Variants in SENP8 observed in about 807,000 individuals in gnomAD.
The protein encoded by SENP8 is sentrin-specific protease 8.
Under a neutral mutation model 14.4 loss-of-function variants are expected in SENP8, and 10 were observed. The ratio of observed to expected loss-of-function variants is 0.69; its 90% confidence interval spans 0.43 to 1.18. The LOEUF (loss-of-function observed/expected upper bound fraction) is 1.18, where lower values mean the gene tolerates loss of function less well. Among genes scored for constraint, SENP8 ranks in the 50% most tolerant of loss-of-function variants. The pLI is 0.00. For synonymous variants in SENP8, 94 were observed against 95.5 expected, an observed-to-expected ratio of 0.98 and a Z score of 0.09; for missense variants, 202 against 249.4, an observed-to-expected ratio of 0.81 and a Z score of 1.28.
At chr15:72,119,463 A>G (rs999177799) in intron 1 of SENP8, among the ~76,000 whole-genome samples, 1 of 152,098 alleles carries the variant, frequency 6.6e-6, no homozygotes, top group African/African-American at 2.4e-5. Context: ...GATGGAGGTC[A>G]TTTAGCCGGG....
intron 1 of SENP8, among the ~76,000 whole-genome samples, chr15:72,132,263 C>T (rs1458349706): frequency 6.6e-6 from 1 of 152,130 alleles, no homozygotes; most frequent in Non-Finnish European, 1.5e-5. Context: ...GCTTACCATC[C>T]ACCAAGACCA....
rs940743531 is a variant in SENP8, at chr15:72,143,184, C to T, written c.*2922C>T. ...CTGCACTCCAGCCTAGGCAACAGAGCGAGACTCTTATCTCAAAAAAAAAAA... is the reference window on the plus strand; with the variant it reads ...CTGCACTCCAGCCTAGGCAACAGAGTGAGACTCTTATCTCAAAAAAAAAAA... On this transcript the variant is annotated 3_prime_UTR_variant, in exon 2 of 2. Coordinates refer to ENST00000340912, the MANE Select transcript of SENP8 (RefSeq NM_145204.4). The T allele has an allele frequency of 4.7e-5, 7 of 148,384 alleles. No homozygotes were observed. Among genetic ancestry groups the T allele is most frequent in the African/African-American group, 1.8e-4 (7 of 39,960 alleles). The allele number at this position is 148,384 out of a possible 1,614,324, so 9.2% of individuals were successfully genotyped here.
In SENP8 at chr15:72,139,619, A is replaced by G. The variant is rs752455666; in HGVS notation, c.-5A>G. 21 of 1,612,128 alleles carry G rather than the reference A, an allele frequency of 1.3e-5. No individual in the cohort carries two copies. The African/African-American group carries it at 2.5e-4, about 19-fold the overall frequency. ...GAATTTCTGAGCAGCCCTCGTCAGT[A>G]CAAGATGGACCCCGTAGTCTTGAGT... On this transcript the variant is annotated 5_prime_UTR_variant, in exon 2 of 2. Transcript: ENST00000340912.
chr15:72,134,337 A>G (rs2081306419), intron 1 of SENP8, among the ~76,000 whole-genome samples: 1 of 152,142 alleles, frequency 6.6e-6, no homozygotes, highest in African/African-American at 2.4e-5. Context: ...CCTAGCATTT[A>G]GTGGGGCAGA....
Position 72,140,121 on chromosome 15 carries a change from C to G in SENP8, c.498C>G (p.Tyr166Ter). ...AAAACAGCTATGACTGTGGGATGTA[C>G]GTGATATGTAACACTGAGGCCTTGT... is the stretch of plus-strand genomic sequence containing the variant. ...AQQNSYDCGM[Y>*]VICNTEALCQ... is the part of the protein sequence containing the mutation. The change falls in exon 2 of 2, where the codon TAC becomes TAG. Residue 166 changes from tyrosine to a stop codon, truncating the protein, a stop_gained. Transcript: ENST00000340912. LOFTEE classifies it high-confidence loss of function. 6.2e-7 allele frequency: 1 copy of G among 1,614,098 alleles called. No homozygotes were observed. Among genetic ancestry groups the G allele is most frequent in the Non-Finnish European group, 8.5e-7 (1 of 1,180,026 alleles).
At position 72,142,819 on chromosome 15, in the gene SENP8, A is replaced by G. The variant is rs1352269233; in HGVS notation, c.*2557A>G. 6.6e-6 allele frequency: 1 copy of G among 152,212 alleles called. No homozygotes were observed. The highest frequency in any genetic ancestry group is 1.9e-4 in the East Asian group (1 of 5,198). The allele number at this position is 152,212 out of a possible 1,614,324, so 9.4% of individuals were successfully genotyped here. ...TTCTGATATGTACCTAATTATTTTG[A>G]CTATACTATAATTTTACAATATGCA... On this transcript the variant is annotated 3_prime_UTR_variant, in exon 2 of 2. Transcript: ENST00000340912.
chr15:72,134,940 G>A (rs1275696933), intron 1 of SENP8: 14 of 299,998 alleles, frequency 4.7e-5, no homozygotes, highest in Non-Finnish European at 8.5e-5. Flanking sequence ...TCTGAGAACA[G>A]AGATAGCTTC....
chr15:72,116,000 G>A (rs928282031), upstream of SENP8, among the ~76,000 whole-genome samples: 9 of 152,170 alleles, frequency 5.9e-5, no homozygotes, highest in Admixed American at 4.6e-4. Flanking sequence ...CCTCTAGGAT[G>A]TAGTATTAAG....
Position 72,139,898 on chromosome 15 carries a change from A to G in SENP8, c.275A>G (p.Asp92Gly), listed in dbSNP as rs1192444462. Residue 92 changes from aspartate to glycine, a missense_variant, in exon 2 of 2, where the codon GAT becomes GGT. Coordinates refer to ENST00000340912, the MANE Select transcript of SENP8 (RefSeq NM_145204.4). The stretch of plus-strand genomic sequence containing the variant: ...AGAGTTGTATTTTTAGCCATCAATG[A>G]TAACTCCAACCAGGCAGCTGGAGGA... The part of the protein sequence containing the change: ...NKRVVFLAIN[D>G]NSNQAAGGTH... 6.2e-7 allele frequency: 1 copy of G among 1,614,124 alleles called. No individual in the cohort carries two copies. The highest frequency in any genetic ancestry group is 8.5e-7 in the Non-Finnish European group (1 of 1,180,038).
rs140874758 is a variant in SENP8, at chr15:72,139,743, C to G, written c.120C>G (p.Ala40=). The change falls in exon 2 of 2, where the codon GCC becomes GCG. Residue 40 remains alanine (A), a synonymous_variant. Coordinates refer to ENST00000340912, the MANE Select transcript of SENP8 (RefSeq NM_145204.4). ...HIIGFAFEYF[A]NSQFHDCSDH... Reference sequence around the variant, plus strand: ...TTGGGTTTGCGTTTGAGTACTTTGCCAACAGTCAGTTTCATGACTGCTCTG... The same window carrying G: ...TTGGGTTTGCGTTTGAGTACTTTGCGAACAGTCAGTTTCATGACTGCTCTG... The G allele has an allele frequency of 1.1e-4, 174 of 1,614,052 alleles. No individual in the cohort carries two copies. Among genetic ancestry groups the G allele is most frequent in the Non-Finnish European group, 1.4e-4 (164 of 1,180,044 alleles).
chr15:72,140,350 A>T lies in SENP8; in HGVS notation c.*88A>T, dbSNP rs914268481. On this transcript the variant is annotated 3_prime_UTR_variant, in exon 2 of 2. Transcript: ENST00000340912. The stretch of plus-strand genomic sequence containing the variant: ...GGCTGCAATCTCAGTGCCTGAGGGA[A>T]GATGCCTAGTAGAGGAAAGCTTAAT... The T allele has an allele frequency of 3.3e-6, 3 of 909,286 alleles. No individual in the cohort carries two copies. The highest frequency in any genetic ancestry group is 5.3e-6 in the Non-Finnish European group (3 of 570,902). The allele number at this position is 909,286 out of a possible 1,614,324, so 56.3% of individuals were successfully genotyped here. A position where few individuals can be genotyped will look rare whatever the true frequency, so the allele number is the denominator to read the frequency against.
At chr15:72,131,179 G>A (rs1373493403) in intron 1 of SENP8, among the ~76,000 whole-genome samples, 1 of 152,202 alleles carries the variant, frequency 6.6e-6, no homozygotes, top group African/African-American at 2.4e-5. Flanking sequence ...ACTCCAGCAT[G>A]GGCGACACAG....
At chr15:72,117,993 G>A (rs992531631), upstream of SENP8, 2 of 398,832 alleles carry the variant, frequency 5.0e-6, no homozygotes, top group Non-Finnish European at 4.4e-6. Flanking sequence ...TACTGCCTCC[G>A]CCGCCGCCTC....
intron 1 of SENP8, among the ~76,000 whole-genome samples, chr15:72,129,657 A>C (rs1205883046): frequency 6.7e-6 from 1 of 149,202 alleles, no homozygotes; most frequent in Admixed American, 6.7e-5. Flanking sequence ...GATTACAGGC[A>C]TGAGCCACTG....
Position 72,127,550 on chromosome 15 carries a change from A to C in SENP8, c.-48+9086A>C, listed in dbSNP as rs530107896. ...GAAATAATAGGAGATAAGGTTGGAGAAATAGCTGAAGCCACATTTTCATGT... is the reference window on the plus strand; with the variant it reads ...GAAATAATAGGAGATAAGGTTGGAGCAATAGCTGAAGCCACATTTTCATGT... On this transcript the variant is annotated intron_variant, in intron 1 of 1. Coordinates refer to ENST00000340912, the MANE Select transcript of SENP8 (RefSeq NM_145204.4). 3.4e-4 allele frequency among the ~76,000 whole-genome samples: 52 copies of C among 152,290 alleles called. No individual in the cohort carries two copies. In the South Asian group the frequency reaches 0.01, roughly 30 times the overall value.
intron 1 of SENP8, among the ~76,000 whole-genome samples, chr15:72,124,439 A>G (rs180895658): frequency 1.2e-4 from 19 of 152,348 alleles, no homozygotes; most frequent in African/African-American, 4.3e-4. Flanking sequence ...AAACCCCAAA[A>G]AAAAGCCATG....
chr15:72,124,139 C>T (rs2081192118), intron 1 of SENP8, among the ~76,000 whole-genome samples: 1 of 152,208 alleles, frequency 6.6e-6, no homozygotes, highest in African/African-American at 2.4e-5. Context: ...AAATTCATAG[C>T]TCATTTATAA....
chr15:72,137,889 G>A (rs925171243), intron 1 of SENP8, among the ~76,000 whole-genome samples: 2 of 151,716 alleles, frequency 1.3e-5, no homozygotes, highest in African/African-American at 2.4e-5. Context: ...GGAGAATGGT[G>A]TGAACCCGGG....
intron 1 of SENP8, chr15:72,139,251 A>T (rs1039475873): frequency 5.7e-6 from 1 of 175,746 alleles, no homozygotes; most frequent in Non-Finnish European, 1.2e-5. Context: ...CTTACGAAAA[A>T]GTAAGCTAGG....
Sources: allele counts gnomAD v4.1 joint callset (sites outside exome capture counted in the v4.1 genomes callset), GRCh38; gene constraint gnomAD v4.1.1; transcripts MANE v1.5; gene names NCBI Gene and HGNC (gene_info 2026-07-23, HGNC 2026-07-21).